The following RBFOX1 variants were observed in gnomAD, a reference collection of about 807,000 sequenced individuals.
The protein encoded by RBFOX1 is RNA binding fox-1 homolog 1, also known as RNA binding protein fox-1 homolog 1.
Under a neutral mutation model 57.7 loss-of-function variants are expected in RBFOX1, and 8 were observed. The observed-to-expected ratio is 0.14, with a 90% CI of 0.08 to 0.25. RBFOX1 has a LOEUF of 0.25. Among genes scored for constraint, RBFOX1 ranks in the 10% least tolerant of loss-of-function variants. The probability of loss-of-function intolerance (pLI) is 1.00; values close to 1 mark genes in which losing one functional copy is unlikely to be tolerated. For synonymous variants in RBFOX1, 326 were observed against 222.4 expected (o/e 1.47, Z -4.15); for missense variants, 611 against 548.5 (o/e 1.11, Z -1.14).
intron 1 of RBFOX1, among the ~76,000 whole-genome samples, chr16:6,044,099 G>A (rs1192234942): frequency 3.3e-5 from 5 of 152,130 alleles, no homozygotes. Context: ...TATGCCATCT[G>A]TTTCTTATCT....
chr16:5,403,635 G>A (rs9931317), intron 1 of RBFOX1, among the ~76,000 whole-genome samples: 14,258 of 152,022 alleles, frequency 0.094, 1,603 homozygotes, highest in African/African-American at 0.27. Context: ...TAATAGAGAC[G>A]AGGTTTCGCC....
At chr16:7,156,285 C>A (rs964247653) in intron 4 of RBFOX1, among the ~76,000 whole-genome samples, 7 of 151,018 alleles carry the variant, frequency 4.6e-5, no homozygotes, top group South Asian at 4.2e-4. Context: ...TGTACATATA[C>A]ATGTAGATAT....
chr16:7,442,312 C>T (rs1483328390), intron 4 of RBFOX1, among the ~76,000 whole-genome samples: 3 of 152,160 alleles, frequency 2.0e-5, no homozygotes, highest in Non-Finnish European at 2.9e-5. Context: ...TCTCCAGCAG[C>T]AGTCCGTCTC....
chr16:5,573,131 G>A (rs555318195), intron 2 of RBFOX1, among the ~76,000 whole-genome samples: 2 of 152,170 alleles, frequency 1.3e-5, no homozygotes, highest in Non-Finnish European at 2.9e-5. Flanking sequence ...GGAGGTTCTG[G>A]TTCTGTTATG....
chr16:6,682,511 G>T lies in RBFOX1; in HGVS notation c.-16+27861G>T, dbSNP rs538963855. Among the ~76,000 whole-genome samples the T allele has an allele frequency of 2.6e-3, 398 of 152,218 alleles. 5 individuals carry two copies. Among genetic ancestry groups the T allele is most frequent in the Non-Finnish European group, 5.7e-4 (39 of 68,030 alleles). The stretch of plus-strand genomic sequence containing the variant: ...ATGGTTTTGTGGTGATGTAGAAAAG[G>T]GTTTCTCAATCTTGGCATTATTGGC... On this transcript the variant is annotated intron_variant, in intron 3 of 15. Transcript: ENST00000550418.
At chr16:6,705,605 A>T (rs1012499026) in intron 3 of RBFOX1, 2 of 152,216 alleles carry the variant, frequency 1.3e-5, no homozygotes, top group African/African-American at 4.8e-5. Context: ...GGACTCAGCT[A>T]TGAAATATAC....
chr16:6,093,617 T>C (rs917938204), intron 1 of RBFOX1, among the ~76,000 whole-genome samples: 1 of 152,008 alleles, frequency 6.6e-6, no homozygotes, highest in African/African-American at 2.4e-5. Flanking sequence ...GTGAATTCTG[T>C]AATCTTTTCC....
intron 4 of RBFOX1, among the ~76,000 whole-genome samples, chr16:7,217,530 C>T (rs990060201): frequency 2.0e-5 from 3 of 152,092 alleles, no homozygotes; most frequent in Non-Finnish European, 2.9e-5. Context: ...CTCTTGACTT[C>T]CAACCCCTCG....
downstream of RBFOX1, chr16:5,601,611 G>C (rs927159795): frequency 1.3e-5 from 2 of 152,176 alleles, no homozygotes; most frequent in Non-Finnish European, 2.9e-5. Flanking sequence ...TCATAATCTT[G>C]AAATAACTAT....
At chr16:6,943,696 A>C (rs2078964281) in intron 3 of RBFOX1, among the ~76,000 whole-genome samples, 1 of 147,258 alleles carries the variant, frequency 6.8e-6, no homozygotes. Context: ...CGAGAGAGTG[A>C]GACTCTGTCT....
At chr16:6,008,080 C>A (rs1438852884) in intron 4 of RBFOX1, among the ~76,000 whole-genome samples, 2 of 152,244 alleles carry the variant, frequency 1.3e-5, no homozygotes, top group African/African-American at 4.8e-5. Context: ...TGGCATGCAC[C>A]TGTAGTCCCA....
chr16:7,439,040 C>T (rs1048100504), intron 4 of RBFOX1, among the ~76,000 whole-genome samples: 3 of 152,282 alleles, frequency 2.0e-5, no homozygotes, highest in South Asian at 4.1e-4. Flanking sequence ...GAAACCACCG[C>T]ACTTTGTTTT....
At chr16:7,099,294 A>G (rs2062239330) in intron 4 of RBFOX1, among the ~76,000 whole-genome samples, 1 of 152,122 alleles carries the variant, frequency 6.6e-6, no homozygotes, top group Non-Finnish European at 1.5e-5. Context: ...TGGCTCAAAA[A>G]CCAAGGAATT....
At chr16:5,744,294 C>A (rs1457543978) in intron 3 of RBFOX1, among the ~76,000 whole-genome samples, 2 of 152,152 alleles carry the variant, frequency 1.3e-5, no homozygotes, top group African/African-American at 2.4e-5. Context: ...TCCCGCAGCA[C>A]CTTGAACCCG....
intron 1 of RBFOX1, among the ~76,000 whole-genome samples, chr16:5,369,109 C>G (rs757115849): frequency 6.6e-6 from 1 of 152,134 alleles, no homozygotes; most frequent in East Asian, 1.9e-4. Context: ...TCAAGCAGTT[C>G]TCCTGTCTCA....
chr16:7,002,233 C>T (rs1295408874), intron 3 of RBFOX1, among the ~76,000 whole-genome samples: 1 of 152,112 alleles, frequency 6.6e-6, no homozygotes, highest in Non-Finnish European at 1.5e-5. Flanking sequence ...CACTTGAGGC[C>T]CTGGATACAG....
At chr16:5,833,253 G>A (rs151059290) in intron 3 of RBFOX1, among the ~76,000 whole-genome samples, 1 of 152,098 alleles carries the variant, frequency 6.6e-6, no homozygotes, top group African/African-American at 2.4e-5. Flanking sequence ...CTGCACTTTG[G>A]GAGGCTGAGG....
chr16:5,741,269 T>A (rs1006232702), intron 3 of RBFOX1, among the ~76,000 whole-genome samples: 3 of 152,214 alleles, frequency 2.0e-5, no homozygotes, highest in East Asian at 1.9e-4. Context: ...CCCTGAAGAC[T>A]GCAGGAGTCA....
chr16:7,170,969 G>C (rs1601763010), intron 4 of RBFOX1, among the ~76,000 whole-genome samples: 1 of 152,158 alleles, frequency 6.6e-6, no homozygotes, highest in East Asian at 1.9e-4. Flanking sequence ...TTTTGCAGGT[G>C]ATCCTAAAAC....
Sources: gnomAD v4.1 joint callset for allele counts (sites outside exome capture counted in the v4.1 genomes callset) on GRCh38, gnomAD v4.1.1 for gene constraint, MANE v1.5 for transcripts, NCBI Gene and HGNC (gene_info 2026-07-23, HGNC 2026-07-21) for gene names.